The following LDB2 variants were observed in gnomAD, a reference collection of about 807,000 sequenced individuals.
LDB2 encodes the protein LIM domain binding 2.
LDB2 carries 12 observed loss-of-function variants against 44.3 expected under a neutral mutation model. The ratio of observed to expected loss-of-function variants is 0.27; its 90% CI spans 0.17 to 0.44. The LOEUF is 0.44. Among genes scored for constraint, LDB2 ranks in the 20% least tolerant of loss-of-function variants. The probability of loss-of-function intolerance (pLI) is 1.00; values close to 1 mark genes in which losing one functional copy is unlikely to be tolerated. For synonymous variants in LDB2, 164 were observed against 174.8 expected, an observed-to-expected ratio of 0.94 and a Z score of 0.49; for missense variants, 344 against 473.5, an observed-to-expected ratio of 0.73 and a Z score of 2.54.
intron 5 of LDB2, among the ~76,000 whole-genome samples, chr4:16,521,883 A>C (rs1170448520): frequency 6.6e-6 from 1 of 152,156 alleles, no homozygotes; most frequent in African/African-American, 2.4e-5. Context: ...CATAGTTTAT[A>C]AGAAATTAGA....
intron 1 of LDB2, among the ~76,000 whole-genome samples, chr4:16,818,030 T>C (rs1344533413): frequency 6.6e-6 from 1 of 152,174 alleles, no homozygotes; most frequent in Non-Finnish European, 1.5e-5. Flanking sequence ...CCATGTAGCA[T>C]CATATGGGTT....
intron 2 of LDB2, among the ~76,000 whole-genome samples, chr4:16,602,931 T>C (rs755103307): frequency 6.6e-6 from 1 of 152,196 alleles, no homozygotes; most frequent in Non-Finnish European, 1.5e-5. Context: ...CACACAATAA[T>C]GAATAAGTCA....
At chr4:16,856,196 C>G (rs143600729) in intron 1 of LDB2, among the ~76,000 whole-genome samples, 1 of 152,036 alleles carries the variant, frequency 6.6e-6, no homozygotes, top group Non-Finnish European at 1.5e-5. Context: ...TGAAACAATG[C>G]CGAAACAAAA....
chr4:16,528,790 C>T (rs531946958), intron 5 of LDB2, among the ~76,000 whole-genome samples: 55 of 152,174 alleles, frequency 3.6e-4, no homozygotes, highest in African/African-American at 9.6e-4. Flanking sequence ...GGGACGTGGG[C>T]GAAGAACAGA....
At chr4:16,532,471 C>T (rs925357499) in intron 5 of LDB2, among the ~76,000 whole-genome samples, 1 of 152,146 alleles carries the variant, frequency 6.6e-6, no homozygotes, top group African/African-American at 2.4e-5. Context: ...GTAAAAGCAC[C>T]GCTTACAAAG....
intron 5 of LDB2, among the ~76,000 whole-genome samples, chr4:16,539,950 T>TAAGA (rs1162330158): frequency 1.3e-5 from 2 of 152,146 alleles, no homozygotes; most frequent in Non-Finnish European, 2.9e-5. Context: ...AAAAGAGGTT[T>TAAGA]AATTGATTAA....
chr4:16,825,552 T>C (rs1450336545), intron 1 of LDB2, among the ~76,000 whole-genome samples: 3 of 152,138 alleles, frequency 2.0e-5, no homozygotes, highest in African/African-American at 7.2e-5. Context: ...ATTCTATTCA[T>C]ATAGGGAGAT....
At position 16,502,559 on chromosome 4, in the gene LDB2, C is replaced by CTGTT. The variant is rs1488425960; in HGVS notation, c.*80_*83dup. ...TTGCATGGAAAAGTTTTTATCTCTTCTGTTTCCTCTCCTGTAAGTAAAGAT... is the reference window on the plus strand; with the variant it reads ...TTGCATGGAAAAGTTTTTATCTCTTCTGTTTGTTTCCTCTCCTGTAAGTAAAGAT... On this transcript the variant is annotated 3_prime_UTR_variant, in exon 8 of 8. Coordinates refer to ENST00000304523, the MANE Select transcript of LDB2 (RefSeq NM_001290.5). 2 of 1,539,014 alleles carry CTGTT rather than the reference C, an allele frequency of 1.3e-6. No homozygotes were observed. Among genetic ancestry groups the CTGTT allele is most frequent in the African/African-American group, 1.4e-5 (1 of 72,620 alleles).
intron 2 of LDB2, among the ~76,000 whole-genome samples, chr4:16,644,390 C>A (rs966603710): frequency 6.6e-6 from 1 of 151,666 alleles, no homozygotes; most frequent in African/African-American, 2.4e-5. Context: ...TCATGACCAA[C>A]TTAATCATTA....
intron 1 of LDB2, among the ~76,000 whole-genome samples, chr4:16,800,919 C>T (rs1392814305): frequency 1.3e-5 from 2 of 152,210 alleles, no homozygotes; most frequent in Non-Finnish European, 2.9e-5. Flanking sequence ...TCATGATCCA[C>T]CCGCCTCGGC....
chr4:16,889,548 G>A (rs1722747125), intron 1 of LDB2, among the ~76,000 whole-genome samples: 1 of 152,164 alleles, frequency 6.6e-6, no homozygotes, highest in African/African-American at 2.4e-5. Context: ...TGGGCTATTA[G>A]GCTCACAGAT....
chr4:16,674,065 C>T (rs924850625), intron 2 of LDB2: 24 of 369,926 alleles, frequency 6.5e-5, no homozygotes, highest in African/African-American at 5.1e-4. Flanking sequence ...TTACCAAGTG[C>T]TCTCTTATAC....
At position 16,759,174 on chromosome 4, in the gene LDB2, A is replaced by G; in HGVS notation, c.219T>C (p.Asp73=). ...ATLTLSFCLE[D]GPKRYTIGRT... ...CTTTCTTACTGTATCGCTTTGGTCCATCTTCCAAACAAAATGAAAGGGTTA... is the reference window on the plus strand; with the variant it reads ...CTTTCTTACTGTATCGCTTTGGTCCGTCTTCCAAACAAAATGAAAGGGTTA... Residue 73 remains aspartate (D), a synonymous_variant, in exon 2 of 8, where the codon GAT becomes GAC. Coordinates refer to ENST00000304523, the MANE Select transcript of LDB2 (RefSeq NM_001290.5). The G allele has an allele frequency of 6.2e-7, 1 of 1,613,358 alleles. No homozygotes were observed. Among genetic ancestry groups the G allele is most frequent in the South Asian group, 1.1e-5 (1 of 91,060 alleles).
chr4:16,570,741 AT>A (rs1206925519), intron 5 of LDB2, among the ~76,000 whole-genome samples: 2 of 151,268 alleles, frequency 1.3e-5, no homozygotes, highest in Admixed American at 1.3e-4. Context: ...CATAAAAAAA[AT>A]TTGGTTAGAG....
chr4:16,618,191 G>A (rs1467039908), intron 2 of LDB2, among the ~76,000 whole-genome samples: 4 of 152,198 alleles, frequency 2.6e-5, no homozygotes, highest in African/African-American at 7.2e-5. Context: ...TTAAGATAAC[G>A]ATTCCCAGGC....
intron 2 of LDB2, among the ~76,000 whole-genome samples, chr4:16,751,789 G>T (rs1765541018): frequency 6.6e-6 from 1 of 152,200 alleles, no homozygotes; most frequent in South Asian, 2.1e-4. Flanking sequence ...CTGAAAGAAT[G>T]AATCCATGAA....
At chr4:16,524,737 C>A (rs1311173886) in intron 5 of LDB2, among the ~76,000 whole-genome samples, 1 of 152,144 alleles carries the variant, frequency 6.6e-6, no homozygotes, top group South Asian at 2.1e-4. Flanking sequence ...CTCTTTCATC[C>A]GTGTTTCCTG....
chr4:16,893,144 C>G, intron 1 of LDB2: 1 of 783,384 alleles, frequency 1.3e-6, no homozygotes, highest in Non-Finnish European at 1.5e-6. Flanking sequence ...TAAAACTGCA[C>G]TTTTGGTTTC....
intron 1 of LDB2, among the ~76,000 whole-genome samples, chr4:16,863,055 A>C (rs1018088791): frequency 1.3e-5 from 2 of 152,174 alleles, no homozygotes; most frequent in African/African-American, 4.8e-5. Flanking sequence ...CAGCCAGCCA[A>C]GGTCAGAGGA....
Sources: gnomAD v4.1 joint callset for allele counts (sites outside exome capture counted in the v4.1 genomes callset) on GRCh38, gnomAD v4.1.1 for gene constraint, MANE v1.5 for transcripts, NCBI Gene and HGNC (gene_info 2026-07-23, HGNC 2026-07-21) for gene names.